Variants in CADM3 observed in about 807,000 individuals in gnomAD.
The protein encoded by CADM3 is TSLC1-like 1.
In CADM3, 11 loss-of-function variants were observed where a neutral mutation model predicts 44.9. That is an observed-to-expected ratio of 0.25 (90% CI 0.15 to 0.41). The LOEUF is 0.41. Ranked by LOEUF, CADM3 falls within the 10% of genes least tolerant of loss-of-function variation. The pLI, the probability that CADM3 is intolerant of heterozygous loss-of-function variation, is 1.00. For synonymous variants in CADM3, 207 were observed against 205.2 expected (o/e 1.01, Z -0.08); for missense variants, 426 against 512.0 (o/e 0.83, Z 1.62).
Position 159,203,108 on chromosome 1 carries a change from G to C in CADM3, c.*2186G>C, listed in dbSNP as rs1354396052. On this transcript the variant is annotated 3_prime_UTR_variant, in exon 9 of 9. Coordinates refer to ENST00000368125, the MANE Select transcript of CADM3 (RefSeq NM_001127173.3). ...CTAACTCTCCTGTGCTAATCTCAGA[G>C]GGGTCACCCTCAATATATCTGGATT... 2 of 152,276 alleles carry C rather than the reference G, an allele frequency of 1.3e-5. No homozygotes were observed. The highest frequency in any genetic ancestry group is 2.9e-5 in the Non-Finnish European group (2 of 68,122). 9.4% of individuals were successfully genotyped at this position (152,276 alleles called of 1,614,324 possible).
intron 5 of CADM3, chr1:159,195,496 A>G (rs910179953): frequency 1.3e-5 from 2 of 152,230 alleles, no homozygotes; most frequent in African/African-American, 4.8e-5. Context: ...GTTACTCGCC[A>G]GGGACCCTTT....
chr1:159,184,985 A>G (rs1322726151), intron 1 of CADM3, among the ~76,000 whole-genome samples: 1 of 152,262 alleles, frequency 6.6e-6, no homozygotes, highest in Non-Finnish European at 1.5e-5. Flanking sequence ...ACTAGAACCC[A>G]TGAGCAAATA....
intron 8 of CADM3, among the ~76,000 whole-genome samples, chr1:159,200,505 C>T (rs375872958): frequency 7.2e-5 from 10 of 139,776 alleles, no homozygotes; most frequent in South Asian, 7.0e-4. Flanking sequence ...CACACACACA[C>T]GCATGCGTGC....
chr1:159,172,823 G>A (rs1228515719), intron 1 of CADM3, among the ~76,000 whole-genome samples: 1 of 152,090 alleles, frequency 6.6e-6, no homozygotes, highest in Non-Finnish European at 1.5e-5. Flanking sequence ...TCCCGCCCTG[G>A]GCCGGGCTAT....
At chr1:159,174,416 T>C (rs976899860) in intron 1 of CADM3, among the ~76,000 whole-genome samples, 2 of 152,212 alleles carry the variant, frequency 1.3e-5, no homozygotes, top group African/African-American at 4.8e-5. Context: ...AATATGTATA[T>C]GTATCTTAAC....
At position 159,193,468 on chromosome 1, in the gene CADM3, G is replaced by C. The variant is rs1293309397; in HGVS notation, c.428G>C (p.Arg143Pro). The C allele has an allele frequency of 6.2e-7, 1 of 1,612,008 alleles. No individual in the cohort carries two copies. The highest frequency in any genetic ancestry group is 1.3e-5 in the African/African-American group (1 of 74,840). Residue 143 changes from arginine (R) to proline (P), a missense_variant, in exon 4 of 9, where the codon CGG becomes CCG. Arg to Pro is a moderately radical substitution (Grantham distance 103, BLOSUM62 -2). Around this residue, in one of 2 missense-constraint regions of CADM3, gnomAD observed 362 missense variants for 474.6 expected, o/e 0.76. Transcript: ENST00000368125. Reference sequence around the variant, plus strand: ...ATCACTGGTTATAAATCTTCATTACGGGAAAAAGACACAGCCACCCTAAAC... The same window carrying C: ...ATCACTGGTTATAAATCTTCATTACCGGAAAAAGACACAGCCACCCTAAAC... ...PIITGYKSSL[R>P]EKDTATLNCQ...
chr1:159,199,489 A>G (rs1427064380), intron 7 of CADM3, among the ~76,000 whole-genome samples: 1 of 152,152 alleles, frequency 6.6e-6, no homozygotes, highest in Admixed American at 6.5e-5. Context: ...GACCAAGGCC[A>G]AGCTTCAGTG....
At chr1:159,176,693 C>T (rs1163120253) in intron 1 of CADM3, among the ~76,000 whole-genome samples, 2 of 152,198 alleles carry the variant, frequency 1.3e-5, no homozygotes, top group Non-Finnish European at 2.9e-5. Context: ...GAAGATCCAT[C>T]CCTTCTAGTA....
At chr1:159,188,346 T>C (rs866526131) in intron 1 of CADM3, among the ~76,000 whole-genome samples, 9 of 150,928 alleles carry the variant, frequency 6.0e-5, no homozygotes, top group South Asian at 2.1e-4. Flanking sequence ...CGCCTCTCTT[T>C]CCCTTTGCTT....
At chr1:159,180,434 G>C (rs549067212) in intron 1 of CADM3, among the ~76,000 whole-genome samples, 5 of 152,164 alleles carry the variant, frequency 3.3e-5, no homozygotes, top group Non-Finnish European at 7.3e-5. Flanking sequence ...AGAGATAAGA[G>C]TTCTTTATGT....
intron 1 of CADM3, among the ~76,000 whole-genome samples, chr1:159,172,305 G>A (rs1648845816): frequency 6.6e-6 from 1 of 152,090 alleles, no homozygotes; most frequent in Admixed American, 6.6e-5. Flanking sequence ...TATGTCTGTA[G>A]GGGTTGGGTA....
At chr1:159,181,877 C>T (rs1317269107) in intron 1 of CADM3, among the ~76,000 whole-genome samples, 1 of 152,112 alleles carries the variant, frequency 6.6e-6, no homozygotes, top group Non-Finnish European at 1.5e-5. Context: ...TCTGAAGGCC[C>T]CCCTCAGCCT....
intron 1 of CADM3, among the ~76,000 whole-genome samples, chr1:159,185,513 C>A (rs555941808): frequency 6.6e-6 from 1 of 152,064 alleles, no homozygotes; most frequent in South Asian, 2.1e-4. Context: ...TATCCCAGTA[C>A]TTATTAGATA....
Position 159,193,924 on chromosome 1 carries a change from G to A in CADM3, c.575G>A (p.Ser192Asn). 4 of 1,614,206 alleles carry A rather than the reference G, an allele frequency of 2.5e-6. No homozygotes were observed. The South Asian group carries it at 4.4e-5, about 18-fold the overall frequency. The change falls in exon 5 of 9, where the codon AGC becomes AAC. Residue 192 changes from serine to asparagine, a missense_variant. This residue lies in a region of CADM3 where 362 missense variants were observed against 474.6 expected (regional missense o/e 0.76). Transcript: ENST00000368125. ...DPNGKTFTVS[S>N]SVTFQVTRED... ...AATGGTAAAACCTTCACTGTCAGCA[G>A]CTCGGTGACATTCCAGGTTACCCGG...
At chr1:159,182,899 T>C (rs1649286640) in intron 1 of CADM3, among the ~76,000 whole-genome samples, 1 of 152,182 alleles carries the variant, frequency 6.6e-6, no homozygotes, top group Non-Finnish European at 1.5e-5. Flanking sequence ...TTAAGAATAA[T>C]TGTTTTTCAG....
chr1:159,198,697 G>T (rs140683407), intron 7 of CADM3, among the ~76,000 whole-genome samples: 1 of 152,240 alleles, frequency 6.6e-6, no homozygotes, highest in Non-Finnish European at 1.5e-5. Flanking sequence ...GGAGAGTTAT[G>T]TCTATGGCTA....
At chr1:159,177,166 C>A (rs994966304) in intron 1 of CADM3, among the ~76,000 whole-genome samples, 1 of 152,170 alleles carries the variant, frequency 6.6e-6, no homozygotes, top group Non-Finnish European at 1.5e-5. Flanking sequence ...CCCTCCATCA[C>A]CACTAATATC....
At chr1:159,196,517 A>T (rs1649899889) in intron 6 of CADM3, 63 bp downstream of exon 6, 1 of 1,308,664 alleles carries the variant, frequency 7.6e-7, no homozygotes, top group Non-Finnish European at 1.1e-6. Context: ...CCTTCTTCAC[A>T]TAACAGCTCC....
Position 159,171,731 on chromosome 1 carries a change from C to T in CADM3, c.-35C>T. 1 of 1,225,548 alleles carries T rather than the reference C, an allele frequency of 8.2e-7. No homozygotes were observed. The highest frequency in any genetic ancestry group is 1.0e-6 in the Non-Finnish European group (1 of 981,928). The allele number at this position is 1,225,548 out of a possible 1,614,324, so 75.9% of individuals were successfully genotyped here. A position where few individuals can be genotyped will look rare whatever the true frequency, so the allele number is the denominator to read the frequency against. Reference sequence around the variant, plus strand: ...CCCAGCCCCCGGGGATTCAGGCTCGCCAGCGCCCAGCCAGGGAGCCGGCCG... The same window carrying T: ...CCCAGCCCCCGGGGATTCAGGCTCGTCAGCGCCCAGCCAGGGAGCCGGCCG... On this transcript the variant is annotated 5_prime_UTR_variant, in exon 1 of 9. Coordinates refer to ENST00000368125, the MANE Select transcript of CADM3 (RefSeq NM_001127173.3).
Sources: allele counts gnomAD v4.1 joint callset (sites outside exome capture counted in the v4.1 genomes callset), GRCh38; gene constraint gnomAD v4.1.1; regional missense constraint gnomAD v4.1.1; transcripts MANE v1.5; gene names NCBI Gene and HGNC (gene_info 2026-07-23, HGNC 2026-07-21).